The following CDS1 variants were observed in gnomAD, a reference collection of about 807,000 sequenced individuals.
CDS1 encodes the protein CDP-diacylglycerol synthase 1.
In CDS1, 41 loss-of-function variants were observed where a neutral mutation model predicts 62.1. That is an observed-to-expected ratio of 0.66 (90% CI 0.51 to 0.86). The LOEUF (loss-of-function observed/expected upper bound fraction) is 0.86, where lower values mean the gene tolerates loss of function less well. CDS1 is among the 40% of genes least tolerant of loss of function. The pLI is 0.00. For missense variants in CDS1, 470 were observed against 550.1 expected (o/e 0.85, Z 1.46); for synonymous variants, 185 against 192.6 (o/e 0.96, Z 0.32).
chr4:84,635,320 G>T lies in CDS1; in HGVS notation c.779G>T (p.Gly260Val). 1 of 1,577,270 alleles carries T rather than the reference G, an allele frequency of 6.3e-7. No homozygotes were observed. The highest frequency in any genetic ancestry group is 8.7e-7 in the Non-Finnish European group (1 of 1,153,572). ...ICNDITAYLF[G>V]FFFGRTPLIK... ...AATGACATAACTGCTTACCTTTTTG[G>T]ATTTTTTTTTGGGAGAACTCCATTA... The change falls in exon 8 of 13, where the codon GGA becomes GTA. Residue 260 changes from glycine (G) to valine (V), a missense_variant. Physicochemically the swap from Gly to Val is moderately radical, Grantham distance 109. This residue lies in a region of CDS1 where 214 missense variants were observed against 242.4 expected (regional missense o/e 0.88). Transcript: ENST00000295887.
In CDS1 at chr4:84,617,594, G is replaced by T; in HGVS notation, c.373G>T (p.Glu125Ter). Residue 125 changes from glutamate to a stop codon, truncating the protein, a stop_gained, in exon 4 of 13, where the codon GAA (glutamate) becomes TAA (stop). Transcript: ENST00000295887. LOFTEE classifies it high-confidence loss of function. ...VLGIQVKCFH[E>*]IITIGYRVYH... ...GGGCATCCAAGTGAAATGCTTCCAT[G>T]AAATTATCACTATAGGTTATAGAGT... 6.3e-7 allele frequency: 1 copy of T among 1,593,358 alleles called. No homozygotes were observed. Among genetic ancestry groups the T allele is most frequent in the Non-Finnish European group, 8.6e-7 (1 of 1,164,186 alleles).
intron 1 of CDS1, among the ~76,000 whole-genome samples, chr4:84,603,788 A>C (rs1723010253): frequency 6.6e-6 from 1 of 152,232 alleles, no homozygotes; most frequent in Admixed American, 6.5e-5. Context: ...GGATCTAATA[A>C]AAATGATGGA....
At chr4:84,631,778 C>T (rs775314254) in intron 5 of CDS1, 41 bp from the exon 6 acceptor site, 7 of 1,562,190 alleles carry the variant, frequency 4.5e-6, no homozygotes, top group East Asian at 2.2e-5. Context: ...ACCCTTTGTA[C>T]CAAATTGTAC....
At position 84,648,825 on chromosome 4, in the gene CDS1, G is replaced by A; in HGVS notation, c.*139G>A. 1 of 792,008 alleles carries A rather than the reference G, an allele frequency of 1.3e-6. No individual in the cohort carries two copies. The highest frequency in any genetic ancestry group is 1.9e-6 in the Non-Finnish European group (1 of 523,490). 49.1% of individuals were successfully genotyped at this position (792,008 alleles called of 1,614,324 possible). A position where few individuals can be genotyped will look rare whatever the true frequency, so the allele number is the denominator to read the frequency against. On this transcript the variant is annotated 3_prime_UTR_variant, in exon 13 of 13. Transcript: ENST00000295887. ...AGATATGTTTCTCTCTGAAATTACT[G>A]TGAATATTTAACAAACACTTACTTG...
intron 5 of CDS1, among the ~76,000 whole-genome samples, chr4:84,630,765 A>G (rs1234739139): frequency 6.6e-6 from 1 of 152,112 alleles, no homozygotes; most frequent in African/African-American, 2.4e-5. Flanking sequence ...TGATTGTGCC[A>G]CTGCATTCCA....
At chr4:84,590,424 C>T (rs1402957975) in intron 1 of CDS1, among the ~76,000 whole-genome samples, 1 of 152,126 alleles carries the variant, frequency 6.6e-6, no homozygotes, top group Non-Finnish European at 1.5e-5. Flanking sequence ...CTTGAGATTT[C>T]TAAAGAATAT....
In CDS1 at chr4:84,636,705, A is replaced by G. The variant is rs558638835; in HGVS notation, c.810+1354A>G. Reference sequence around the variant, plus strand: ...ATGCCTGGTTAATTTTAGTATTTTTAGTAGAGACAGGGTTTCACCATGTTG... The same window carrying G: ...ATGCCTGGTTAATTTTAGTATTTTTGGTAGAGACAGGGTTTCACCATGTTG... On this transcript the variant is annotated intron_variant, in intron 8 of 12. Transcript: ENST00000295887. 4.0e-3 allele frequency among the ~76,000 whole-genome samples: 610 copies of G among 152,108 alleles called. 1 individual carries two copies. The highest frequency in any genetic ancestry group is 5.4e-3 in the Non-Finnish European group (367 of 67,978).
chr4:84,620,982 C>T (rs1036371716), intron 5 of CDS1, among the ~76,000 whole-genome samples: 1 of 152,148 alleles, frequency 6.6e-6, no homozygotes, highest in African/African-American at 2.4e-5. Flanking sequence ...ATCGCTTGAA[C>T]CCGGGAGGCG....
chr4:84,630,025 T>G (rs1457870155), intron 5 of CDS1, among the ~76,000 whole-genome samples: 1 of 152,144 alleles, frequency 6.6e-6, no homozygotes, highest in African/African-American at 2.4e-5. Context: ...GTCTTGTGTC[T>G]CTGCTTTGCC....
intron 1 of CDS1, among the ~76,000 whole-genome samples, chr4:84,586,435 A>G (rs1000015301): frequency 6.6e-6 from 1 of 152,130 alleles, no homozygotes; most frequent in African/African-American, 2.4e-5. Context: ...CAGGCCTTAG[A>G]TTCTCATAAG....
intron 8 of CDS1, among the ~76,000 whole-genome samples, chr4:84,638,391 A>G (rs944510396): frequency 1.3e-5 from 2 of 152,188 alleles, no homozygotes; most frequent in African/African-American, 2.4e-5. Context: ...GCTCTGGAGT[A>G]TTTTGCCATA....
rs138261625 is a variant in CDS1 at position 84,595,566 on chromosome 4, T to C, written c.118-8677T>C. Among the ~76,000 whole-genome samples the C allele has an allele frequency of 7.2e-5, 11 of 152,304 alleles. No homozygotes were observed. The East Asian group carries it at 2.1e-3, about 29-fold the overall frequency. Reference sequence around the variant, plus strand: ...CCTTTGAATATTTTTCATCTGAGGCTGGTTAAATTCACGAATATGGAACCC... The same window carrying C: ...CCTTTGAATATTTTTCATCTGAGGCCGGTTAAATTCACGAATATGGAACCC... On this transcript the variant is annotated intron_variant, in intron 1 of 12. Coordinates refer to ENST00000295887, the MANE Select transcript of CDS1 (RefSeq NM_001263.4).
intron 10 of CDS1, among the ~76,000 whole-genome samples, 160 bp downstream of exon 10, chr4:84,641,150 A>C (rs1322230265): frequency 6.6e-6 from 1 of 152,050 alleles, no homozygotes; most frequent in Non-Finnish European, 1.5e-5. Context: ...ATCTCAACTT[A>C]CTGCAACCTT....
At chr4:84,608,951 A>G (rs1723219966) in intron 2 of CDS1, among the ~76,000 whole-genome samples, 1 of 151,816 alleles carries the variant, frequency 6.6e-6, no homozygotes, top group Admixed American at 6.6e-5. Context: ...GGCCGAGGCA[A>G]GCAGATCATT....
chr4:84,605,091 A>G (rs1318517802), intron 2 of CDS1, among the ~76,000 whole-genome samples: 1 of 152,250 alleles, frequency 6.6e-6, no homozygotes, highest in Non-Finnish European at 1.5e-5. Context: ...TTATAAAAGC[A>G]AAGTAAACCT....
intron 7 of CDS1, 58 bp downstream of exon 7, chr4:84,633,997 T>C: frequency 4.3e-6 from 4 of 940,056 alleles, no homozygotes; most frequent in Non-Finnish European, 6.6e-6. Flanking sequence ...TATAGTTCTT[T>C]AACGTTGGAT....
At chr4:84,600,134 A>T (rs1578021670) in intron 1 of CDS1, among the ~76,000 whole-genome samples, 2 of 152,256 alleles carry the variant, frequency 1.3e-5, no homozygotes, top group East Asian at 3.9e-4. Context: ...AATGACTAAT[A>T]ATGTTGAACA....
chr4:84,634,514 T>TA (rs920842445), intron 7 of CDS1, among the ~76,000 whole-genome samples: 47 of 151,420 alleles, frequency 3.1e-4, no homozygotes, highest in East Asian at 2.3e-3. Context: ...AGCTTAAGAT[T>TA]AAAAAAAAAT....
At chr4:84,636,756 C>T (rs1724224911) in intron 8 of CDS1, among the ~76,000 whole-genome samples, 1 of 152,068 alleles carries the variant, frequency 6.6e-6, no homozygotes, top group Non-Finnish European at 1.5e-5. Flanking sequence ...AACTCCTGAC[C>T]TCGAATGATC....
Sources: gnomAD v4.1 joint callset for allele counts (sites outside exome capture counted in the v4.1 genomes callset) on GRCh38, gnomAD v4.1.1 for gene constraint, gnomAD v4.1.1 regional missense constraint, MANE v1.5 for transcripts, NCBI Gene and HGNC (gene_info 2026-07-23, HGNC 2026-07-21) for gene names.